The following CLRN1 variants were observed in gnomAD, a reference collection of about 807,000 sequenced individuals.
The protein encoded by CLRN1 is clarin 1.
CLRN1 carries 15 observed loss-of-function variants against 18.7 expected under a neutral mutation model. That is an observed-to-expected ratio of 0.80 (90% CI 0.54 to 1.23). CLRN1 has a LOEUF of 1.23. Among genes scored for constraint, CLRN1 ranks in the 50% most tolerant of loss-of-function variants. The probability of loss-of-function intolerance (pLI) is 0.00; values close to 1 mark genes in which losing one functional copy is unlikely to be tolerated. For missense variants in CLRN1, 311 were observed against 277.5 expected (o/e 1.12, Z -0.86); for synonymous variants, 104 against 102.9 (o/e 1.01, Z -0.07).
At chr3:150,965,708 C>G (rs200310547) in intron 1 of CLRN1, among the ~76,000 whole-genome samples, 1 of 152,196 alleles carries the variant, frequency 6.6e-6, no homozygotes, top group East Asian at 1.9e-4. Flanking sequence ...CCCTGTCAGA[C>G]TCCTCTTCCT....
At chr3:150,961,456 T>G (rs745320034) in intron 1 of CLRN1, among the ~76,000 whole-genome samples, 7 of 152,210 alleles carry the variant, frequency 4.6e-5, no homozygotes, top group Non-Finnish European at 7.3e-5. Context: ...AGTTTTGGTT[T>G]CATCAACCTT....
At chr3:150,971,854 GGTCA>G in intron 1 of CLRN1, among the ~76,000 whole-genome samples, 2 of 152,264 alleles carry the variant, frequency 1.3e-5, no homozygotes, top group Middle Eastern at 6.8e-3. Context: ...ATGATTTGCA[GGTCA>G]ATCAGTTTAA....
At chr3:150,972,780 C>T (rs751759285), upstream of CLRN1, 1 of 1,600,262 alleles carries the variant, frequency 6.2e-7, no homozygotes, top group Admixed American at 1.7e-5. Context: ...GGGACTGCCT[C>T]TTTGACTGCA....
At position 150,928,095 on chromosome 3, in the gene CLRN1, C is replaced by T. The variant is rs774615126; in HGVS notation, c.540G>A (p.Thr180=). The T allele has an allele frequency of 3.2e-5, 52 of 1,613,264 alleles. No homozygotes were observed. Among genetic ancestry groups the T allele is most frequent in the African/African-American group, 5.3e-5 (4 of 74,778 alleles). The change falls in exon 3 of 3, where the codon ACG becomes ACA. Residue 180 remains threonine, a synonymous_variant. Transcript: ENST00000327047. ...ATGAGGTGGTATATTTTTCACTTTG[C>T]GTTTTGTAGACATAAGTCCCTTCTT... ...NYKEGTYVYK[T]QSEKYTTSFW...
At position 150,926,927 on chromosome 3, in the gene CLRN1, T is replaced by C. The variant is rs1281336034; in HGVS notation, c.*1009A>G. The C allele has an allele frequency of 1.1e-5, 17 of 1,613,732 alleles. No homozygotes were observed. The highest frequency in any genetic ancestry group is 1.3e-5 in the African/African-American group (1 of 74,904). On this transcript the variant is annotated 3_prime_UTR_variant, in exon 3 of 3. Coordinates refer to ENST00000327047, the MANE Select transcript of CLRN1 (RefSeq NM_174878.3). The stretch of plus-strand genomic sequence containing the variant: ...GGAAAAAAAAAGTTGACCTGGGTCA[T>C]GCTTGGTGACAGCCAGAACAAGACC...
rs1314651670 is a variant in CLRN1 at position 150,926,828 on chromosome 3, A to T, written c.*1108T>A. On this transcript the variant is annotated 3_prime_UTR_variant, in exon 3 of 3. Transcript: ENST00000327047. The stretch of plus-strand genomic sequence containing the variant: ...CTTTCTGGAGGACAGCAGGTTGAGG[A>T]TGAAGGAAGGGTCAGTTCCAGGCTC... 1 of 1,613,910 alleles carries T rather than the reference A, an allele frequency of 6.2e-7. No individual in the cohort carries two copies. The highest frequency in any genetic ancestry group is 1.3e-5 in the African/African-American group (1 of 74,854).
chr3:150,962,326 G>A (rs760667001), intron 1 of CLRN1, among the ~76,000 whole-genome samples: 38 of 152,208 alleles, frequency 2.5e-4, no homozygotes, highest in Non-Finnish European at 4.9e-4. Flanking sequence ...ATAGACAATT[G>A]CATTTAGCTG....
chr3:150,946,201 A>T (rs994177977), intron 1 of CLRN1, among the ~76,000 whole-genome samples: 2 of 152,244 alleles, frequency 1.3e-5, no homozygotes, highest in Non-Finnish European at 2.9e-5. Context: ...AGGGAATGTG[A>T]ATAATAATAA....
At chr3:150,942,832 G>C (rs994040575) in intron 1 of CLRN1, among the ~76,000 whole-genome samples, 5 of 152,148 alleles carry the variant, frequency 3.3e-5, no homozygotes, top group African/African-American at 1.2e-4. Flanking sequence ...TCCTGAATAT[G>C]GCAGCAGAAG....
Position 150,928,220 on chromosome 3 carries a change from G to T in CLRN1, c.434-19C>A. On this transcript the variant is annotated intron_variant, in intron 2 of 2. Transcript: ENST00000327047. ...CAGGAGCCTGCAACAGAAGAAACAA[G>T]GTGTTGGGACAAATATTTCCTGATT... 6.2e-7 allele frequency: 1 copy of T among 1,613,470 alleles called. No homozygotes were observed. The highest frequency in any genetic ancestry group is 8.5e-7 in the Non-Finnish European group (1 of 1,179,846).
chr3:150,934,613 G>A (rs1268306696), intron 2 of CLRN1, among the ~76,000 whole-genome samples: 1 of 152,094 alleles, frequency 6.6e-6, no homozygotes, highest in African/African-American at 2.4e-5. Context: ...TGTCAAGTCT[G>A]CCAGCTGGCC....
At chr3:150,940,589 G>T in intron 2 of CLRN1, 1 of 1,400,084 alleles carries the variant, frequency 7.1e-7, no homozygotes, top group Non-Finnish European at 9.7e-7. Flanking sequence ...AGTTGTTATC[G>T]TTCTGTATCC....
chr3:150,951,934 C>A (rs1236635709), intron 1 of CLRN1, among the ~76,000 whole-genome samples: 1 of 152,188 alleles, frequency 6.6e-6, no homozygotes. Flanking sequence ...TCCCACCAGG[C>A]CCCACCTCCA....
At chr3:150,938,240 A>G (rs896478419) in intron 2 of CLRN1, among the ~76,000 whole-genome samples, 2 of 152,218 alleles carry the variant, frequency 1.3e-5, no homozygotes, top group African/African-American at 4.8e-5. Flanking sequence ...AGAACCAGTC[A>G]GTGGAAGAGA....
At chr3:150,972,175 T>C (rs1715568498) in intron 1 of CLRN1, among the ~76,000 whole-genome samples, 1 of 152,198 alleles carries the variant, frequency 6.6e-6, no homozygotes, top group South Asian at 2.1e-4. Context: ...GACTCCATAA[T>C]TTTTTACATA....
intron 1 of CLRN1, among the ~76,000 whole-genome samples, chr3:150,958,560 G>A (rs897945338): frequency 2.8e-4 from 42 of 152,234 alleles, no homozygotes; most frequent in African/African-American, 8.7e-4. Context: ...CTCACGCATC[G>A]TCTGTACTAG....
chr3:150,970,261 C>T (rs1386513977), intron 1 of CLRN1, among the ~76,000 whole-genome samples: 2 of 152,070 alleles, frequency 1.3e-5, no homozygotes, highest in South Asian at 2.1e-4. Context: ...TCCAAGCAAA[C>T]GTTGATGAAA....
chr3:150,948,100 T>A (rs1357082862), intron 1 of CLRN1, among the ~76,000 whole-genome samples: 4 of 151,966 alleles, frequency 2.6e-5, no homozygotes, highest in Non-Finnish European at 5.9e-5. Flanking sequence ...GATCAAGAAA[T>A]CCAGGAGCTG....
chr3:150,964,428 G>A (rs1279233658), intron 1 of CLRN1, among the ~76,000 whole-genome samples: 1 of 152,198 alleles, frequency 6.6e-6, no homozygotes, highest in African/African-American at 2.4e-5. Context: ...AGGATGTGGA[G>A]AAATAGGAAC....
Sources: allele counts gnomAD v4.1 joint callset (sites outside exome capture counted in the v4.1 genomes callset), GRCh38; gene constraint gnomAD v4.1.1; transcripts MANE v1.5; gene names NCBI Gene and HGNC (gene_info 2026-07-23, HGNC 2026-07-21).